Variants in ALCAM observed in about 807,000 individuals in gnomAD.
The protein encoded by ALCAM is activated leukocyte cell adhesion molecule.
A neutral mutation model predicts 70.9 loss-of-function variants in ALCAM; 30 were observed. The ratio of observed to expected loss-of-function variants is 0.42; its 90% confidence interval spans 0.32 to 0.57. The LOEUF is 0.57. ALCAM is among the 20% of genes least tolerant of loss of function. The pLI is 0.11. For missense variants in ALCAM, 591 were observed against 695.1 expected, an observed-to-expected ratio of 0.85 and a Z score of 1.68; for synonymous variants, 249 against 242.5, an observed-to-expected ratio of 1.03 and a Z score of -0.25.
intron 1 of ALCAM, among the ~76,000 whole-genome samples, chr3:105,466,907 A>G (rs1169669778): frequency 6.6e-6 from 1 of 151,406 alleles, no homozygotes; most frequent in Admixed American, 6.6e-5. Context: ...CAGACTCTGC[A>G]GAAATGACTT....
chr3:105,375,254 T>A (rs1935346106), intron 1 of ALCAM, among the ~76,000 whole-genome samples: 1 of 152,240 alleles, frequency 6.6e-6, no homozygotes, highest in African/African-American at 2.4e-5. Context: ...CCTCATGAGC[T>A]GGTACAATTA....
chr3:105,543,474 A>G (rs1373924820), intron 8 of ALCAM, among the ~76,000 whole-genome samples: 1 of 151,658 alleles, frequency 6.6e-6, no homozygotes, highest in Non-Finnish European at 1.5e-5. Flanking sequence ...TAAAAATCCT[A>G]TTTTTACCCA....
At chr3:105,512,758 T>C (rs1204894433) in intron 1 of ALCAM, among the ~76,000 whole-genome samples, 1 of 151,866 alleles carries the variant, frequency 6.6e-6, no homozygotes, top group Non-Finnish European at 1.5e-5. Context: ...AATCATACTT[T>C]GCTAGTTATT....
chr3:105,426,002 G>A (rs1039707989), intron 1 of ALCAM, among the ~76,000 whole-genome samples: 42 of 151,908 alleles, frequency 2.8e-4, no homozygotes, highest in African/African-American at 9.4e-4. Context: ...TCAGTAGAAG[G>A]AAATGCTAGC....
intron 1 of ALCAM, among the ~76,000 whole-genome samples, chr3:105,437,719 G>A (rs1937081454): frequency 2.5e-5 from 2 of 80,806 alleles, no homozygotes; most frequent in African/African-American, 9.0e-5. Context: ...AATCTAACGT[G>A]GAAAATTTTT....
chr3:105,516,442 C>T lies in ALCAM; in HGVS notation c.74-3625C>T, dbSNP rs1199007494. Among the ~76,000 whole-genome samples, 3 of 151,862 alleles carry T rather than the reference C, an allele frequency of 2.0e-5. No individual in the cohort carries two copies. In the East Asian group the frequency reaches 5.8e-4, roughly 29 times the overall value. On this transcript the variant is annotated intron_variant, in intron 1 of 15. Transcript: ENST00000306107. ...CTAGCTTATATTTTATCGTCACTTGCCTGAGATTCTATATATCAGAATTAC... is the reference window on the plus strand; with the variant it reads ...CTAGCTTATATTTTATCGTCACTTGTCTGAGATTCTATATATCAGAATTAC...
intron 1 of ALCAM, among the ~76,000 whole-genome samples, chr3:105,475,775 T>G (rs1938092230): frequency 6.6e-6 from 1 of 151,926 alleles, no homozygotes; most frequent in Admixed American, 6.6e-5. Context: ...TCTCAGGAAC[T>G]TTACACGCTT....
intron 7 of ALCAM, among the ~76,000 whole-genome samples, chr3:105,541,144 CT>C (rs1467386101): frequency 6.7e-6 from 1 of 148,306 alleles, no homozygotes; most frequent in East Asian, 2.0e-4. Flanking sequence ...TTCTTTTTTT[CT>C]TCTCCTCTCT....
chr3:105,534,062 C>T (rs569082999), intron 5 of ALCAM, among the ~76,000 whole-genome samples: 42 of 152,154 alleles, frequency 2.8e-4, no homozygotes, highest in Non-Finnish European at 5.1e-4. Flanking sequence ...AAGTATGCAA[C>T]CTAGATCCCT....
At chr3:105,451,360 AAG>A (rs1310553844) in intron 1 of ALCAM, among the ~76,000 whole-genome samples, 1 of 152,098 alleles carries the variant, frequency 6.6e-6, no homozygotes, top group Non-Finnish European at 1.5e-5. Context: ...ATAAGAAAAA[AAG>A]AAAAGAAAGC....
chr3:105,498,093 T>C (rs1420384469), intron 1 of ALCAM, among the ~76,000 whole-genome samples: 4 of 151,876 alleles, frequency 2.6e-5, no homozygotes, highest in African/African-American at 9.7e-5. Context: ...ATGTTCCAGG[T>C]TACTGATATC....
Position 105,520,046 on chromosome 3 carries a change from CT to C in ALCAM, c.74-10del, listed in dbSNP as rs11291806. The C allele has an allele frequency of 0.68, 901,780 of 1,332,834 alleles. 282,870 individuals carry two copies. The highest frequency in any genetic ancestry group is 0.87 in the East Asian group (34,248 of 39,144). 82.6% of individuals were successfully genotyped at this position (1,332,834 alleles called of 1,614,324 possible). ...TTCTCTCTCTCTTTCTCTCTTCTTC[CT>C]TTTTTTTTTTCCCCCAAAGGCCTTG... On this transcript the variant is annotated intron_variant, in intron 1 of 15. Transcript: ENST00000306107.
intron 1 of ALCAM, among the ~76,000 whole-genome samples, chr3:105,477,811 T>G (rs1239938063): frequency 6.6e-6 from 1 of 152,108 alleles, no homozygotes; most frequent in Admixed American, 6.6e-5. Flanking sequence ...TTTATCTCTC[T>G]TGAAGTTTAC....
chr3:105,468,903 A>C (rs554620511), intron 1 of ALCAM, among the ~76,000 whole-genome samples: 23 of 151,352 alleles, frequency 1.5e-4, no homozygotes, highest in Admixed American at 7.3e-4. Flanking sequence ...TTATTTATTA[A>C]TCTTGAGCAT....
chr3:105,531,895 C>A, intron 3 of ALCAM, 107 bp from the exon 4 acceptor site: 1 of 897,080 alleles, frequency 1.1e-6, no homozygotes, highest in Non-Finnish European at 1.9e-6. Context: ...TATTCTGTTG[C>A]TTATTCTTCT....
At chr3:105,561,885 C>T (rs1576242970) in intron 14 of ALCAM, among the ~76,000 whole-genome samples, 1 of 152,148 alleles carries the variant, frequency 6.6e-6, no homozygotes, top group South Asian at 2.1e-4. Context: ...CTACCAGCAT[C>T]GATGTGTAAC....
In ALCAM at chr3:105,536,530, T is replaced by C. The variant is rs1939974738; in HGVS notation, c.730+1685T>C. ...GCTTCAGAAAGAATAGAAATATCTG[T>C]GAGTATGAGGCATGCAGAGTTGGGT... On this transcript the variant is annotated intron_variant, in intron 6 of 15. Transcript: ENST00000306107. 2.0e-5 allele frequency among the ~76,000 whole-genome samples: 3 copies of C among 152,138 alleles called. No homozygotes were observed. In the South Asian group the frequency reaches 6.2e-4, roughly 31 times the overall value.
At chr3:105,423,201 C>T (rs1936712256) in intron 1 of ALCAM, among the ~76,000 whole-genome samples, 2 of 151,226 alleles carry the variant, frequency 1.3e-5, no homozygotes, top group Non-Finnish European at 3.0e-5. Flanking sequence ...CTTTAGTTCA[C>T]TACTATAATA....
chr3:105,494,146 A>G lies in ALCAM; in HGVS notation c.74-25921A>G, dbSNP rs75184660. On this transcript the variant is annotated intron_variant, in intron 1 of 15. Coordinates refer to ENST00000306107, the MANE Select transcript of ALCAM (RefSeq NM_001627.4). ...AACTGCATGCTGAAAAGAAGGGTCA[A>G]TGAGGAAATCTCTGTGAGACATATG... Among the ~76,000 whole-genome samples the G allele has an allele frequency of 2.0e-4, 30 of 152,320 alleles. No homozygotes were observed. In the East Asian group the frequency reaches 5.8e-3, roughly 29 times the overall value.
Sources: gnomAD v4.1 joint callset for allele counts (sites outside exome capture counted in the v4.1 genomes callset) on GRCh38, gnomAD v4.1.1 for gene constraint, MANE v1.5 for transcripts, NCBI Gene and HGNC (gene_info 2026-07-23, HGNC 2026-07-21) for gene names.